LRIG3: variants seen among roughly 807,000 people sequenced by gnomAD.
LRIG3 encodes leucine rich repeats and immunoglobulin like domains 3.
Under a neutral mutation model 114.5 loss-of-function variants are expected in LRIG3, and 76 were observed. The observed-to-expected ratio is 0.66, with a 90% CI of 0.55 to 0.80. The LOEUF is 0.80. Ranked by LOEUF, LRIG3 falls within the 30% of genes least tolerant of loss-of-function variation. The probability of loss-of-function intolerance (pLI) is 0.00; values close to 1 mark genes in which losing one functional copy is unlikely to be tolerated. For missense variants in LRIG3, 1,239 were observed against 1,382.8 expected, an observed-to-expected ratio of 0.90 and a Z score of 1.65; for synonymous variants, 512 against 519.8, an observed-to-expected ratio of 0.98 and a Z score of 0.20.
intron 14 of LRIG3, among the ~76,000 whole-genome samples, 179 bp from the exon 15 acceptor site, chr12:58,878,031 C>T (rs943810481): frequency 1.3e-5 from 2 of 152,180 alleles, no homozygotes; most frequent in African/African-American, 4.8e-5. Flanking sequence ...ATTCTGCTGT[C>T]ATTTACTCAT....
chr12:58,917,847 A>C (rs574975566), intron 1 of LRIG3, among the ~76,000 whole-genome samples: 64 of 152,344 alleles, frequency 4.2e-4, no homozygotes, highest in African/African-American at 1.4e-3. Context: ...GAACTCGGAA[A>C]TCATCTCCTT....
chr12:58,910,540 G>A (rs1032923564), intron 3 of LRIG3, among the ~76,000 whole-genome samples: 3 of 152,156 alleles, frequency 2.0e-5, no homozygotes, highest in Admixed American at 6.5e-5. Flanking sequence ...CCCGGGCAGC[G>A]GAGCTTGCAG....
In LRIG3 at chr12:58,874,523, C is replaced by T. The variant is rs767576673; in HGVS notation, c.2746G>A (p.Asp916Asn). ...CCCAAAAACGGACAAAGGAACAGAT[C>T]TGTGGCAGCTTCCACATCAGCTTCA... ...SSEADVEAAT[D>N]LFLCPFLGST... The change falls in exon 17 of 19, where the codon GAT becomes AAT. Residue 916 changes from aspartate (D) to asparagine (N), a missense_variant. Physicochemically the swap from Asp to Asn is conservative, Grantham distance 23. Transcript: ENST00000320743. 6.2e-7 allele frequency: 1 copy of T among 1,614,190 alleles called. No individual in the cohort carries two copies. Among genetic ancestry groups the T allele is most frequent in the South Asian group, 1.1e-5 (1 of 91,082 alleles).
chr12:58,876,376 T>C, intron 16 of LRIG3, 69 bp downstream of exon 16: 1 of 1,514,650 alleles, frequency 6.6e-7, no homozygotes, highest in Non-Finnish European at 9.0e-7. Flanking sequence ...TGAAAATGAA[T>C]ATCATATCTG....
chr12:58,876,405 T>C (rs771959811), intron 16 of LRIG3, 40 bp downstream of exon 16: 1 of 1,602,366 alleles, frequency 6.2e-7, no homozygotes, highest in South Asian at 1.1e-5. Flanking sequence ...ACCATATGAC[T>C]TCAAAACAAT....
At chr12:58,910,292 TCTAGGG>T (rs1872227355) in intron 3 of LRIG3, among the ~76,000 whole-genome samples, 2 of 152,184 alleles carry the variant, frequency 1.3e-5, no homozygotes, top group South Asian at 4.1e-4. Context: ...ATTTAGAATC[TCTAGGG>T]ATAGTGTCTG....
chr12:58,919,446 G>A, intron 1 of LRIG3: 1 of 1,551,622 alleles, frequency 6.4e-7, no homozygotes, highest in Admixed American at 2.0e-5. Context: ...ATGTGAAAAA[G>A]CAAGCAGAGG....
intron 10 of LRIG3, among the ~76,000 whole-genome samples, chr12:58,884,835 A>G (rs924160164): frequency 3.3e-5 from 5 of 152,220 alleles, no homozygotes; most frequent in African/African-American, 7.2e-5. Flanking sequence ...GTTAATACAT[A>G]TTAAAACTTC....
chr12:58,899,782 G>A (rs1298354739), intron 3 of LRIG3, among the ~76,000 whole-genome samples: 5 of 152,104 alleles, frequency 3.3e-5, no homozygotes, highest in African/African-American at 1.2e-4. Flanking sequence ...GGCTGTGTGT[G>A]GTATGGGCTT....
At chr12:58,889,334 G>C (rs986704117) in intron 5 of LRIG3, among the ~76,000 whole-genome samples, 1 of 152,148 alleles carries the variant, frequency 6.6e-6, no homozygotes, top group African/African-American at 2.4e-5. Context: ...AGTTTATCCT[G>C]TACAATCTGT....
intron 18 of LRIG3, 42 bp downstream of exon 18, chr12:58,874,013 A>G: frequency 5.6e-6 from 9 of 1,606,206 alleles, no homozygotes; most frequent in African/African-American, 1.3e-5. Flanking sequence ...AACTTGGAGT[A>G]TGGATCCTCA....
chr12:58,913,734 G>C, intron 3 of LRIG3: 4 of 434,848 alleles, frequency 9.2e-6, no homozygotes, highest in Non-Finnish European at 1.6e-5. Context: ...TGGCCTCTTT[G>C]AATCTCGAAG....
chr12:58,889,948 G>C, intron 5 of LRIG3, 48 bp downstream of exon 5: 1 of 1,585,538 alleles, frequency 6.3e-7, no homozygotes, highest in Non-Finnish European at 8.6e-7. Flanking sequence ...AAGACACCAA[G>C]GGTTTGGAGG....
intron 1 of LRIG3, among the ~76,000 whole-genome samples, chr12:58,915,782 T>C (rs1872459081): frequency 1.3e-5 from 2 of 152,176 alleles, no homozygotes; most frequent in Admixed American, 6.5e-5. Flanking sequence ...CTGGAGTTCA[T>C]CAAGGAAACC....
chr12:58,888,255 C>G, intron 7 of LRIG3, 74 bp downstream of exon 7: 2 of 1,510,278 alleles, frequency 1.3e-6, no homozygotes, highest in Non-Finnish European at 9.0e-7. Context: ...TTTCACAGAT[C>G]AGTGGTAAGA....
rs183683225 is a variant in LRIG3 at position 58,874,653 on chromosome 12, A to G, written c.2696-80T>C. On this transcript the variant is annotated intron_variant, in intron 16 of 18. Coordinates refer to ENST00000320743, the MANE Select transcript of LRIG3 (RefSeq NM_153377.5). ...TCTCCCCAGTTTTGGCATCTTCCATATTTATAGATGAAAGTTTGACTAGAA... is the reference window on the plus strand; with the variant it reads ...TCTCCCCAGTTTTGGCATCTTCCATGTTTATAGATGAAAGTTTGACTAGAA... 5 of 1,550,122 alleles carry G rather than the reference A, an allele frequency of 3.2e-6. No individual in the cohort carries two copies. The African/African-American group carries it at 4.1e-5, about 13-fold the overall frequency.
Position 58,888,824 on chromosome 12 carries a change from T to C in LRIG3, c.798A>G (p.Glu266=). Residue 266 remains glutamate (E), a synonymous_variant, in exon 6 of 19, where the codon GAA becomes GAG. Transcript: ENST00000320743. The stretch of plus-strand genomic sequence containing the variant: ...CTGTGATAACCCACACTTACAAAAT[T>C]TCCATGTTGCTCAGCCCCCAAAAAG... The part of the protein sequence containing the change: ...DGAFWGLSNM[E]ILQLDHNNLT... The C allele has an allele frequency of 1.9e-6, 3 of 1,613,510 alleles. No individual in the cohort carries two copies. The highest frequency in any genetic ancestry group is 2.5e-6 in the Non-Finnish European group (3 of 1,179,704).
chr12:58,908,676 T>C lies in LRIG3; in HGVS notation c.383+5306A>G, dbSNP rs181354244. On this transcript the variant is annotated intron_variant, in intron 3 of 18. Transcript: ENST00000320743. ...AGTTGAACACAAGTTATGTAAAACG[T>C]AGGTATGCTGTTGCCACTGTAAATC... is the stretch of plus-strand genomic sequence containing the variant. Among the ~76,000 whole-genome samples, 188 of 152,334 alleles carry C rather than the reference T, an allele frequency of 1.2e-3. 1 individual carries two copies. Among genetic ancestry groups the C allele is most frequent in the African/African-American group, 4.3e-3 (180 of 41,580 alleles).
At chr12:58,912,169 T>C (rs1872303637) in intron 3 of LRIG3, among the ~76,000 whole-genome samples, 3 of 152,250 alleles carry the variant, frequency 2.0e-5, no homozygotes, top group Admixed American at 1.3e-4. Flanking sequence ...GAGATCATTG[T>C]AGCTTTCTAA....
Sources: allele counts gnomAD v4.1 joint callset (sites outside exome capture counted in the v4.1 genomes callset), GRCh38; gene constraint gnomAD v4.1.1; transcripts MANE v1.5; gene names NCBI Gene and HGNC (gene_info 2026-07-23, HGNC 2026-07-21).